ATF2: variants seen among roughly 807,000 people sequenced by gnomAD.
ATF2 encodes the protein cyclic AMP-dependent transcription factor ATF-2.
In ATF2, 24 loss-of-function variants were observed where a neutral mutation model predicts 60.6. The observed-to-expected ratio is 0.40, with a 90% CI of 0.29 to 0.56. The LOEUF (loss-of-function observed/expected upper bound fraction) is 0.56. Ranked by LOEUF, ATF2 falls within the 20% of genes least tolerant of loss-of-function variation. ATF2 has a pLI of 0.54. For missense variants in ATF2, 433 were observed against 607.7 expected, an observed-to-expected ratio of 0.71 and a Z score of 3.02; for synonymous variants, 206 against 215.4, an observed-to-expected ratio of 0.96 and a Z score of 0.38.
chr2:175,103,475 A>G (rs1695439197), intron 10 of ATF2, among the ~76,000 whole-genome samples: 1 of 152,034 alleles, frequency 6.6e-6, no homozygotes, highest in East Asian at 1.9e-4. Context: ...CTCATTAGGT[A>G]TTTGCTGATT....
intron 2 of ATF2, 95 bp from the exon 3 acceptor site, chr2:175,136,581 CTA>C: frequency 1.3e-6 from 1 of 761,760 alleles, no homozygotes; most frequent in Non-Finnish European, 2.2e-6. Context: ...CTCTGTAACA[CTA>C]CTGTCACCCC....
chr2:175,131,850 C>A (rs1019329596), intron 3 of ATF2, among the ~76,000 whole-genome samples: 7 of 152,046 alleles, frequency 4.6e-5, no homozygotes, highest in African/African-American at 1.7e-4. Context: ...TCAATACTGA[C>A]CACATCAGAA....
In ATF2 at chr2:175,146,270, T is replaced by G. The variant is rs369646929; in HGVS notation, c.-44+4790A>C. On this transcript the variant is annotated intron_variant, in intron 2 of 13. Coordinates refer to ENST00000264110, the MANE Select transcript of ATF2 (RefSeq NM_001880.4). ...GAAACATTAAGGAACTGTTTCCGAT[T>G]TTAAAAGACCAATGCGACATAACAA... Among the ~76,000 whole-genome samples, 50 of 152,328 alleles carry G rather than the reference T, an allele frequency of 3.3e-4. 1 individual carries two copies. The highest frequency in any genetic ancestry group is 1.1e-3 in the African/African-American group (47 of 41,582).
chr2:175,122,120 A>G (rs1306647172), intron 4 of ATF2, among the ~76,000 whole-genome samples: 1 of 151,966 alleles, frequency 6.6e-6, no homozygotes, highest in Admixed American at 6.6e-5. Context: ...AAAATAAAAA[A>G]ATTTAAAGTA....
At chr2:175,138,523 T>C (rs183763751) in intron 2 of ATF2, among the ~76,000 whole-genome samples, 1 of 152,336 alleles carries the variant, frequency 6.6e-6, no homozygotes, top group Admixed American at 6.5e-5. Context: ...AATTTAGCTA[T>C]CATTTATATC....
chr2:175,121,137 T>TA (rs1469089783), intron 5 of ATF2, among the ~76,000 whole-genome samples: 1 of 151,874 alleles, frequency 6.6e-6, no homozygotes, highest in Non-Finnish European at 1.5e-5. Flanking sequence ...AAATGCTGAC[T>TA]AAATACCATG....
intron 2 of ATF2, among the ~76,000 whole-genome samples, chr2:175,140,890 A>C (rs1256951000): frequency 1.4e-5 from 2 of 147,268 alleles, no homozygotes; most frequent in Non-Finnish European, 3.0e-5. Flanking sequence ...CTAGCTGCTC[A>C]GGAGGCTGAG....
intron 13 of ATF2, among the ~76,000 whole-genome samples, chr2:175,077,311 C>A (rs1693401819): frequency 1.3e-5 from 2 of 152,012 alleles, no homozygotes; most frequent in Non-Finnish European, 2.9e-5. Context: ...GGGTATATAC[C>A]CAGTAATGGG....
In ATF2 at chr2:175,074,426, G is replaced by A. The variant is rs1467114417; in HGVS notation, c.*183C>T. 5 of 562,782 alleles carry A rather than the reference G, an allele frequency of 8.9e-6. No homozygotes were observed. In the East Asian group the frequency reaches 1.6e-4, roughly 18 times the overall value. 34.9% of individuals were successfully genotyped at this position (562,782 alleles called of 1,614,324 possible). A position where few individuals can be genotyped will look rare whatever the true frequency, so the allele number is the denominator to read the frequency against. ...AAAGCAAAATCAGTCTTTTTCCAGA[G>A]ACTAAAAACCGTTTTTCAGTCTGAT... On this transcript the variant is annotated 3_prime_UTR_variant, in exon 14 of 14. Coordinates refer to ENST00000264110, the MANE Select transcript of ATF2 (RefSeq NM_001880.4).
chr2:175,165,349 A>G (rs1432346175), intron 1 of ATF2, among the ~76,000 whole-genome samples: 1 of 152,220 alleles, frequency 6.6e-6, no homozygotes, highest in African/African-American at 2.4e-5. Flanking sequence ...ATGCCTACTT[A>G]TAGGTATATT....
chr2:175,107,703 T>C (rs936395429), intron 10 of ATF2, among the ~76,000 whole-genome samples: 6 of 152,204 alleles, frequency 3.9e-5, no homozygotes, highest in East Asian at 1.9e-4. Flanking sequence ...GTGCCTGCGA[T>C]TGCAGGCGCG....
intron 8 of ATF2, 56 bp from the exon 9 acceptor site, chr2:175,114,164 T>C: frequency 6.6e-7 from 1 of 1,517,502 alleles, no homozygotes; most frequent in Non-Finnish European, 8.9e-7. Context: ...CAACTGTCTC[T>C]TAAAAATACA....
chr2:175,109,864 T>C (rs934143062), intron 10 of ATF2, among the ~76,000 whole-genome samples: 2 of 152,220 alleles, frequency 1.3e-5, no homozygotes, highest in East Asian at 1.9e-4. Context: ...GAACATACTA[T>C]GATGTGAAAA....
At chr2:175,098,345 G>A (rs1414162237) in intron 10 of ATF2, among the ~76,000 whole-genome samples, 1 of 152,112 alleles carries the variant, frequency 6.6e-6, no homozygotes, top group Non-Finnish European at 1.5e-5. Context: ...GCAATGAAAG[G>A]GACTTCAGGG....
intron 4 of ATF2, among the ~76,000 whole-genome samples, chr2:175,122,220 T>G (rs1286870448): frequency 6.6e-6 from 1 of 151,996 alleles, no homozygotes; most frequent in Non-Finnish European, 1.5e-5. Context: ...TCCATCATAT[T>G]TTTTCCTACC....
intron 11 of ATF2, among the ~76,000 whole-genome samples, chr2:175,096,787 T>C (rs1006302637): frequency 6.6e-6 from 1 of 152,190 alleles, no homozygotes; most frequent in African/African-American, 2.4e-5. Flanking sequence ...GAACGTAAGA[T>C]TTAGTTACAT....
At chr2:175,112,316 TCAGTA>T (rs1174500247) in intron 9 of ATF2, among the ~76,000 whole-genome samples, 4 of 152,138 alleles carry the variant, frequency 2.6e-5, no homozygotes, top group Non-Finnish European at 2.9e-5. Context: ...AAAAATATTC[TCAGTA>T]AAGAGGAAGC....
In ATF2 at chr2:175,097,450, T is replaced by A; in HGVS notation, c.972A>T (p.Glu324Asp). Reference sequence around the variant, plus strand: ...ATAAAAACAACACACATACCGGAGTTTCTGTAGTGGATGTGGCTGGCTGTT... The same window carrying A: ...ATAAAAACAACACACATACCGGAGTATCTGTAGTGGATGTGGCTGGCTGTT... ...SLQQPATSTTETPASPAHTTP... is the reference protein window; with the variant it reads ...SLQQPATSTTDTPASPAHTTP... The change falls in exon 11 of 14, where the codon GAA becomes GAT. Residue 324 changes from glutamate (E) to aspartate (D), a missense_variant. Physicochemically the swap from Glu to Asp is conservative, Grantham distance 45 (BLOSUM62 2). Transcript: ENST00000264110. 6.2e-7 allele frequency: 1 copy of A among 1,613,904 alleles called. No homozygotes were observed. The highest frequency in any genetic ancestry group is 8.5e-7 in the Non-Finnish European group (1 of 1,179,910).
intron 4 of ATF2, among the ~76,000 whole-genome samples, chr2:175,129,262 A>G (rs1697564365): frequency 6.6e-6 from 1 of 152,170 alleles, no homozygotes; most frequent in Non-Finnish European, 1.5e-5. Context: ...AAATGCAAAC[A>G]AATCTACAGT....
Sources: allele counts gnomAD v4.1 joint callset (sites outside exome capture counted in the v4.1 genomes callset), GRCh38; gene constraint gnomAD v4.1.1; transcripts MANE v1.5; gene names NCBI Gene and HGNC (gene_info 2026-07-23, HGNC 2026-07-21).